Variants in TMEM165 observed in about 807,000 individuals in gnomAD.
TMEM165 encodes the protein transmembrane protein 165, also known as putative divalent cation/proton antiporter TMEM165.
Under a neutral mutation model 30.0 loss-of-function variants are expected in TMEM165, and 19 were observed. That is an observed-to-expected ratio of 0.63 (90% CI 0.44 to 0.93). The LOEUF is 0.93. TMEM165 is among the 40% of genes least tolerant of loss of function. The probability of loss-of-function intolerance (pLI) is 0.00; values close to 1 mark genes in which losing one functional copy is unlikely to be tolerated. For missense variants in TMEM165, 340 were observed against 417.0 expected (o/e 0.82, Z 1.61); for synonymous variants, 168 against 162.9 (o/e 1.03, Z -0.24).
chr4:55,407,292 G>C (rs913118898), intron 1 of TMEM165, among the ~76,000 whole-genome samples: 1 of 152,124 alleles, frequency 6.6e-6, no homozygotes, highest in Non-Finnish European at 1.5e-5. Flanking sequence ...TCATGCTTTC[G>C]AGCTGCACTG....
chr4:55,403,962 A>G (rs1721159539), intron 1 of TMEM165, among the ~76,000 whole-genome samples: 1 of 149,226 alleles, frequency 6.7e-6, no homozygotes, highest in South Asian at 2.2e-4. Context: ...TTTGGAAAAG[A>G]AAGAAAAAGG....
intron 3 of TMEM165, chr4:55,442,611 C>T: frequency 1.2e-6 from 2 of 1,612,646 alleles, no homozygotes; most frequent in Non-Finnish European, 8.5e-7. Context: ...GCTGACTGTG[C>T]CCACTCAGTA....
chr4:55,421,297 CTTTTTTTTTT>C (rs766025971), intron 4 of TMEM165, among the ~76,000 whole-genome samples: 130 of 105,866 alleles, frequency 1.2e-3, no homozygotes, highest in African/African-American at 4.2e-3. Flanking sequence ...TTCTTTCTTT[CTTTTTTTTTT>C]TTTTTTTTTT....
At chr4:55,415,611 T>C (rs186906599) in intron 2 of TMEM165, 27 of 152,370 alleles carry the variant, frequency 1.8e-4, no homozygotes, top group African/African-American at 6.3e-4. Context: ...GCTTGTATCC[T>C]GTGTGTACAC....
intron 1 of TMEM165, among the ~76,000 whole-genome samples, chr4:55,402,403 G>GTGTGTGTATATATATATA (rs1334888892): frequency 1.5e-4 from 7 of 48,184 alleles, no homozygotes; most frequent in East Asian, 8.5e-4. Flanking sequence ...GTGTGTGTGT[G>GTGTGTGTATATATATATA]TATATATATA....
intron 3 of TMEM165, among the ~76,000 whole-genome samples, chr4:55,447,755 T>C (rs1723992052): frequency 6.6e-6 from 1 of 152,180 alleles, no homozygotes; most frequent in African/African-American, 2.4e-5. Flanking sequence ...TAAATAACCA[T>C]ATAAGATGGA....
Position 55,448,601 on chromosome 4 carries a change from C to T in TMEM165, c.409-3638C>T, listed in dbSNP as rs4864992. 5.1e-3 allele frequency among the ~76,000 whole-genome samples: 597 copies of T among 116,988 alleles called. 2 individuals carry two copies. The highest frequency in any genetic ancestry group is 0.011 in the African/African-American group (348 of 32,090). 76.7% of individuals were successfully genotyped at this position (116,988 alleles called of 152,430 possible). ...ATATATGTGCGCGCGCGCACGCGCG[C>T]GTGTGTGTGTGTGTGTGTGTGTGTG... On this transcript the variant is annotated intron_variant, in intron 3 of 3. Coordinates refer to the TMEM165 transcript ENST00000608091.
intron 3 of TMEM165, chr4:55,431,582 C>G (rs1389207059): frequency 6.6e-6 from 1 of 152,192 alleles, no homozygotes. Context: ...ACATTAATAT[C>G]CAGTGTTTAC....
At chr4:55,417,348 C>A in intron 3 of TMEM165, 101 bp downstream of exon 3, 1 of 1,190,716 alleles carries the variant, frequency 8.4e-7, no homozygotes, top group Non-Finnish European at 1.2e-6. Context: ...ATATGCGGGG[C>A]TACACAAAAA....
At chr4:55,429,928 T>C (rs1447649891), downstream of TMEM165, 1 of 152,154 alleles carries the variant, frequency 6.6e-6, no homozygotes, top group African/African-American at 2.4e-5. Flanking sequence ...TCCGTAAAGA[T>C]TATCATGAGA....
downstream of TMEM165, chr4:55,429,230 C>T (rs559208479): frequency 3.2e-4 from 48 of 152,266 alleles, 1 homozygote; most frequent in South Asian, 9.7e-3. Flanking sequence ...TATTTGAAAA[C>T]GTATCTTCAG....
intron 3 of TMEM165, among the ~76,000 whole-genome samples, chr4:55,447,128 A>G (rs1171883624): frequency 6.6e-6 from 1 of 151,556 alleles, no homozygotes; most frequent in African/African-American, 2.4e-5. Flanking sequence ...GGACTTTGGG[A>G]GGCCGAGGTG....
intron 1 of TMEM165, among the ~76,000 whole-genome samples, chr4:55,411,320 A>G (rs1237302341): frequency 6.6e-6 from 1 of 152,180 alleles, no homozygotes; most frequent in Non-Finnish European, 1.5e-5. Context: ...TCAATGGAAC[A>G]TTTTGGATTT....
intron 1 of TMEM165, among the ~76,000 whole-genome samples, chr4:55,400,427 T>G (rs1186798404): frequency 7.5e-6 from 1 of 133,524 alleles, no homozygotes; most frequent in Non-Finnish European, 1.5e-5. Flanking sequence ...TATTAAAATA[T>G]AAAAATATAA....
At chr4:55,397,567 A>G (rs1720775721) in intron 1 of TMEM165, among the ~76,000 whole-genome samples, 1 of 151,240 alleles carries the variant, frequency 6.6e-6, no homozygotes, top group Admixed American at 6.6e-5. Context: ...GCAGATACCT[A>G]CTCTCTGTGA....
At chr4:55,440,355 G>C (rs771258296) in intron 3 of TMEM165, among the ~76,000 whole-genome samples, 1 of 152,034 alleles carries the variant, frequency 6.6e-6, no homozygotes, top group Non-Finnish European at 1.5e-5. Flanking sequence ...TGAAATGAAA[G>C]AACAATAACC....
downstream of TMEM165, among the ~76,000 whole-genome samples, chr4:55,427,057 A>AGAGAG (rs776536813): frequency 3.0e-5 from 4 of 132,096 alleles, no homozygotes; most frequent in Admixed American, 7.9e-5. Context: ...TTTTTTTGAG[A>AGAGAG]GAGTCTCACT....
chr4:55,438,582 G>GTA (rs1258198260), intron 3 of TMEM165: 3 of 1,611,652 alleles, frequency 1.9e-6, no homozygotes, highest in Non-Finnish European at 2.5e-6. Context: ...AAAGTACAAG[G>GTA]TATACATCAT....
chr4:55,435,110 G>T (rs76334428), intron 3 of TMEM165: 4,015 of 381,380 alleles, frequency 0.011, 27 homozygotes, highest in Admixed American at 0.013. Context: ...TTCCCTGGAG[G>T]TCATTTCATA....
Sources: gnomAD v4.1 joint callset for allele counts (sites outside exome capture counted in the v4.1 genomes callset) on GRCh38, gnomAD v4.1.1 for gene constraint, MANE v1.5 for transcripts, NCBI Gene and HGNC (gene_info 2026-07-23, HGNC 2026-07-21) for gene names.